Variants in MSRA observed in about 807,000 individuals in gnomAD.
MSRA encodes the protein mitochondrial peptide methionine sulfoxide reductase.
In MSRA, 54 loss-of-function variants were observed where a neutral mutation model predicts 31.3. That is an observed-to-expected ratio of 1.73 (90% confidence interval 1.39 to 2.17). MSRA has a LOEUF of 2.17. MSRA is among the 30% of genes most tolerant of loss of function. The pLI is 0.00. For synonymous variants in MSRA, 169 were observed against 116.5 expected, an observed-to-expected ratio of 1.45 and a Z score of -2.90; for missense variants, 507 against 300.9, an observed-to-expected ratio of 1.69 and a Z score of -5.07.
At chr8:10,094,188 T>G (rs916196771) in intron 1 of MSRA, among the ~76,000 whole-genome samples, 4 of 152,212 alleles carry the variant, frequency 2.6e-5, no homozygotes, top group African/African-American at 9.6e-5. Flanking sequence ...TCTGTAGCAT[T>G]TTATTGATCT....
intron 4 of MSRA, among the ~76,000 whole-genome samples, chr8:10,303,136 A>G (rs1015903192): frequency 6.6e-6 from 1 of 152,236 alleles, no homozygotes; most frequent in African/African-American, 2.4e-5. Context: ...GAAGACATGT[A>G]TCAGAGGCCC....
chr8:10,223,798 C>G (rs978188831), intron 2 of MSRA, among the ~76,000 whole-genome samples: 1 of 152,094 alleles, frequency 6.6e-6, no homozygotes, highest in Non-Finnish European at 1.5e-5. Context: ...GACCATGGTA[C>G]AAAAGATTTT....
intron 4 of MSRA, among the ~76,000 whole-genome samples, chr8:10,318,060 G>T (rs900367275): frequency 6.6e-6 from 1 of 152,206 alleles, no homozygotes; most frequent in African/African-American, 2.4e-5. Context: ...GGGCTGGGAT[G>T]CCCCCTCCCC....
At position 10,349,321 on chromosome 8, in the gene MSRA, C is replaced by G. The variant is rs571053835; in HGVS notation, c.543+29332C>G. The stretch of plus-strand genomic sequence containing the variant: ...CAATCTGTGCTTCCAATGCAGTGAA[C>G]TGGGTTTCTGCTCCGCCGTGCTCTT... On this transcript the variant is annotated intron_variant, in intron 5 of 5. Coordinates refer to ENST00000317173, the MANE Select transcript of MSRA (RefSeq NM_012331.5). Among the ~76,000 whole-genome samples the G allele has an allele frequency of 1.8e-4, 28 of 152,294 alleles. No individual in the cohort carries two copies. In the South Asian group the frequency reaches 5.8e-3, roughly 32 times the overall value.
At chr8:10,210,618 C>G (rs1039339802) in intron 2 of MSRA, among the ~76,000 whole-genome samples, 4 of 152,188 alleles carry the variant, frequency 2.6e-5, no homozygotes, top group African/African-American at 9.7e-5. Flanking sequence ...GGATGTCTTA[C>G]ATTCCCTTGA....
At chr8:10,138,655 A>G (rs1296738125) in intron 1 of MSRA, among the ~76,000 whole-genome samples, 1 of 152,194 alleles carries the variant, frequency 6.6e-6, no homozygotes, top group Non-Finnish European at 1.5e-5. Flanking sequence ...AATGGAATAG[A>G]AGACTCTAAA....
At chr8:10,270,138 C>T (rs1798953400) in intron 3 of MSRA, among the ~76,000 whole-genome samples, 1 of 152,198 alleles carries the variant, frequency 6.6e-6, no homozygotes, top group South Asian at 2.1e-4. Flanking sequence ...TCAAGTTTCA[C>T]ATGGGAGCTT....
chr8:10,274,575 T>A (rs1387210905), intron 3 of MSRA, among the ~76,000 whole-genome samples: 1 of 152,212 alleles, frequency 6.6e-6, no homozygotes, highest in Non-Finnish European at 1.5e-5. Flanking sequence ...CAGACATACC[T>A]GTGTTACCTA....
chr8:10,342,717 A>G (rs1803507451), intron 5 of MSRA, among the ~76,000 whole-genome samples: 1 of 152,202 alleles, frequency 6.6e-6, no homozygotes, highest in African/African-American at 2.4e-5. Context: ...CCAAAGAGGT[A>G]AAGCAATGCT....
chr8:10,144,089 A>G (rs1268359001), intron 1 of MSRA, among the ~76,000 whole-genome samples: 1 of 152,148 alleles, frequency 6.6e-6, no homozygotes, highest in African/African-American at 2.4e-5. Flanking sequence ...GAACAACCCT[A>G]TAGTATAGTG....
At chr8:10,408,673 G>A (rs1314186948) in intron 5 of MSRA, among the ~76,000 whole-genome samples, 1 of 152,196 alleles carries the variant, frequency 6.6e-6, no homozygotes, top group Non-Finnish European at 1.5e-5. Flanking sequence ...AGCTTTTTTA[G>A]TGTTAATATC....
chr8:10,321,889 C>T (rs1802062424), intron 5 of MSRA, among the ~76,000 whole-genome samples: 1 of 152,334 alleles, frequency 6.6e-6, no homozygotes, highest in Middle Eastern at 3.4e-3. Flanking sequence ...AAGCCAGAGG[C>T]ACACAGCCAA....
chr8:10,251,592 C>T (rs931561014), intron 3 of MSRA, among the ~76,000 whole-genome samples: 1 of 152,114 alleles, frequency 6.6e-6, no homozygotes, highest in African/African-American at 2.4e-5. Flanking sequence ...TTATCTCTCT[C>T]AAACCAAGAG....
chr8:10,266,677 T>C (rs370750781), intron 3 of MSRA, among the ~76,000 whole-genome samples: 12 of 152,234 alleles, frequency 7.9e-5, no homozygotes, highest in African/African-American at 2.9e-4. Flanking sequence ...ATATTTTCTC[T>C]TATTTTTTCA....
chr8:10,096,449 G>A (rs1253524541), intron 1 of MSRA: 1 of 272,952 alleles, frequency 3.7e-6, no homozygotes, highest in African/African-American at 2.3e-5. Flanking sequence ...ATGATGAAAG[G>A]TGATTTTTAT....
At chr8:10,079,985 C>G (rs951953634) in intron 1 of MSRA, among the ~76,000 whole-genome samples, 1 of 152,160 alleles carries the variant, frequency 6.6e-6, no homozygotes, top group Non-Finnish European at 1.5e-5. Context: ...TCTTGTGTTA[C>G]GCTTAGCACT....
intron 2 of MSRA, among the ~76,000 whole-genome samples, chr8:10,212,912 G>C (rs1809635663): frequency 6.6e-6 from 1 of 151,956 alleles, no homozygotes; most frequent in Admixed American, 6.6e-5. Context: ...AGTTTTGTGG[G>C]TACATAGTAG....
At chr8:10,250,627 G>C (rs1294069133) in intron 3 of MSRA, 5 of 614,638 alleles carry the variant, frequency 8.1e-6, no homozygotes, top group African/African-American at 5.5e-5. Flanking sequence ...CTGTTCAGCA[G>C]AGGTTTCGAG....
intron 5 of MSRA, among the ~76,000 whole-genome samples, chr8:10,396,060 C>A (rs571799988): frequency 4.6e-5 from 7 of 152,194 alleles, no homozygotes; most frequent in Non-Finnish European, 1.0e-4. Flanking sequence ...TCTCCCCTTC[C>A]CACAAGGGCC....
Sources: allele counts gnomAD v4.1 joint callset (sites outside exome capture counted in the v4.1 genomes callset), GRCh38; gene constraint gnomAD v4.1.1; transcripts MANE v1.5; gene names NCBI Gene and HGNC (gene_info 2026-07-23, HGNC 2026-07-21).